The following DYM variants were observed in gnomAD, a reference collection of about 807,000 sequenced individuals.
The protein encoded by DYM is dymeclin.
In DYM, 78 loss-of-function variants were observed where a neutral mutation model predicts 93.1. The observed-to-expected ratio is 0.84, with a 90% CI of 0.70 to 1.01. The LOEUF (loss-of-function observed/expected upper bound fraction) is 1.01, where lower values mean the gene tolerates loss of function less well. DYM is among the 50% of genes least tolerant of loss of function. The probability of loss-of-function intolerance (pLI) is 0.00; values close to 1 mark genes in which losing one functional copy is unlikely to be tolerated. For synonymous variants in DYM, 321 were observed against 319.7 expected, an observed-to-expected ratio of 1.00 and a Z score of -0.04; for missense variants, 789 against 845.0, an observed-to-expected ratio of 0.93 and a Z score of 0.82.
At chr18:49,291,190 C>T (rs542113011) in intron 8 of DYM, among the ~76,000 whole-genome samples, 7 of 152,286 alleles carry the variant, frequency 4.6e-5, no homozygotes, top group Non-Finnish European at 7.4e-5. Context: ...GAATTAAGTG[C>T]TTCTGTAAAT....
chr18:49,385,525 A>G (rs2068517875), intron 3 of DYM, among the ~76,000 whole-genome samples: 1 of 152,086 alleles, frequency 6.6e-6, no homozygotes, highest in Non-Finnish European at 1.5e-5. Flanking sequence ...GTGAAACTCC[A>G]ACTCTACTAA....
chr18:49,296,758 C>A (rs551559389), intron 8 of DYM, among the ~76,000 whole-genome samples: 83 of 152,264 alleles, frequency 5.5e-4, no homozygotes, highest in East Asian at 1.5e-3. Context: ...TTAGAAAATT[C>A]TTCAAGGTCC....
intron 13 of DYM, among the ~76,000 whole-genome samples, chr18:49,218,624 T>A (rs1037657463): frequency 6.6e-6 from 1 of 151,914 alleles, no homozygotes; most frequent in Non-Finnish European, 1.5e-5. Context: ...CTCAACTACA[T>A]GGAAACTGAA....
In DYM at chr18:49,056,340, A is replaced by C. The variant is rs79973129; in HGVS notation, c.2026-12136T>G. Among the ~76,000 whole-genome samples, 36 of 152,352 alleles carry C rather than the reference A, an allele frequency of 2.4e-4. No individual in the cohort carries two copies. In the East Asian group the frequency reaches 6.8e-3, roughly 29 times the overall value. On this transcript the variant is annotated intron_variant, in intron 17 of 17. Coordinates refer to ENST00000675505, the MANE Select transcript of DYM (RefSeq NM_001353214.3). ...CTGTTTTCCAAAACCAAAGTAGAGA[A>C]AGCTAATAAGCAAGGGACAGGTGAT...
At chr18:49,044,272 G>T in intron 17 of DYM, 68 bp from the exon 18 acceptor site, 1 of 1,589,098 alleles carries the variant, frequency 6.3e-7, no homozygotes. Context: ...GTGAGAGTTT[G>T]CAGGTGGTGC....
chr18:49,106,856 A>T (rs2080868079), intron 16 of DYM, among the ~76,000 whole-genome samples: 1 of 152,072 alleles, frequency 6.6e-6, no homozygotes, highest in African/African-American at 2.4e-5. Flanking sequence ...CTTCATTGCA[A>T]CTTTAGTGAA....
At chr18:49,243,336 A>T (rs1210069871) in intron 13 of DYM, among the ~76,000 whole-genome samples, 1 of 152,088 alleles carries the variant, frequency 6.6e-6, no homozygotes, top group Non-Finnish European at 1.5e-5. Context: ...TATGTCCCCT[A>T]AATACCTACT....
chr18:49,182,119 A>G (rs1324586718), intron 14 of DYM, among the ~76,000 whole-genome samples: 3 of 152,192 alleles, frequency 2.0e-5, no homozygotes, highest in African/African-American at 7.2e-5. Flanking sequence ...AAAGTTATCC[A>G]TTATTGATAT....
chr18:49,102,429 T>A (rs1020239401), intron 16 of DYM, among the ~76,000 whole-genome samples: 2 of 152,148 alleles, frequency 1.3e-5, no homozygotes, highest in Non-Finnish European at 2.9e-5. Context: ...TTTCTTTTTT[T>A]TAATACTTTC....
intron 6 of DYM, among the ~76,000 whole-genome samples, chr18:49,362,019 C>T (rs571243806): frequency 4.6e-4 from 63 of 136,436 alleles, no homozygotes; most frequent in Non-Finnish European, 8.3e-4. Context: ...CCACTGCATC[C>T]GGCCTAATTT....
chr18:49,429,751 C>T (rs115534639), intron 2 of DYM, among the ~76,000 whole-genome samples: 3,753 of 152,158 alleles, frequency 0.025, 149 homozygotes, highest in African/African-American at 0.083. Context: ...ATGATGTATG[C>T]GGCAGTAACT....
chr18:49,255,760 T>C (rs529500709), intron 13 of DYM, among the ~76,000 whole-genome samples: 1 of 151,888 alleles, frequency 6.6e-6, no homozygotes, highest in African/African-American at 2.4e-5. Flanking sequence ...TGGGGTTCTA[T>C]TTGAGACCTA....
intron 14 of DYM, among the ~76,000 whole-genome samples, chr18:49,176,308 C>A (rs2089368543): frequency 6.6e-6 from 1 of 152,082 alleles, no homozygotes. Flanking sequence ...TTATAAGAGA[C>A]TGAAATAAGA....
chr18:49,041,111 T>C lies in DYM; in HGVS notation c.*2944A>G, dbSNP rs1288812. 0.6 allele frequency among the ~76,000 whole-genome samples: 91,892 copies of C among 152,000 alleles called. 28,782 individuals carry two copies. Among genetic ancestry groups the C allele is most frequent in the Admixed American group, 0.7 (10,766 of 15,272 alleles). Reference sequence around the variant, plus strand: ...TCTCTGTCTTTGTCCTTGAGCTGTGTTGTCTGCACTGCTGAATGGTGGCAG... The same window carrying C: ...TCTCTGTCTTTGTCCTTGAGCTGTGCTGTCTGCACTGCTGAATGGTGGCAG... On this transcript the variant is annotated 3_prime_UTR_variant, in exon 18 of 18. Coordinates refer to ENST00000675505, the MANE Select transcript of DYM (RefSeq NM_001353214.3).
At chr18:49,406,790 C>T (rs568187602) in intron 2 of DYM, among the ~76,000 whole-genome samples, 1 of 152,180 alleles carries the variant, frequency 6.6e-6, no homozygotes, top group African/African-American at 2.4e-5. Flanking sequence ...TTGGCAATTT[C>T]CTATAAGGCT....
intron 16 of DYM, among the ~76,000 whole-genome samples, chr18:49,117,381 T>C (rs1267124127): frequency 6.6e-6 from 1 of 152,216 alleles, no homozygotes; most frequent in Non-Finnish European, 1.5e-5. Flanking sequence ...TTTGCAACAG[T>C]ATACTCAACT....
At chr18:49,455,946 CA>C (rs34970715) in intron 1 of DYM, among the ~76,000 whole-genome samples, 173 of 139,798 alleles carry the variant, frequency 1.2e-3, no homozygotes, top group Admixed American at 1.4e-3. Flanking sequence ...CAGACTGTCT[CA>C]AAAAAAAAAA....
At chr18:49,243,786 G>T (rs1303104854) in intron 13 of DYM, among the ~76,000 whole-genome samples, 1 of 152,008 alleles carries the variant, frequency 6.6e-6, no homozygotes, top group Non-Finnish European at 1.5e-5. Context: ...TCCTAAATTG[G>T]AAGTTCATAA....
intron 15 of DYM, among the ~76,000 whole-genome samples, chr18:49,139,920 G>C (rs931012695): frequency 9.2e-5 from 14 of 151,964 alleles, no homozygotes; most frequent in African/African-American, 3.1e-4. Context: ...CTTTTTAAGA[G>C]TGTGGCATTC....
Sources: allele counts gnomAD v4.1 joint callset (sites outside exome capture counted in the v4.1 genomes callset), GRCh38; gene constraint gnomAD v4.1.1; transcripts MANE v1.5; gene names NCBI Gene and HGNC (gene_info 2026-07-23, HGNC 2026-07-21).